ICA1: variants seen among roughly 807,000 people sequenced by gnomAD.
ICA1 encodes the protein islet cell autoantigen 1.
Under a neutral mutation model 71.0 loss-of-function variants are expected in ICA1, and 40 were observed. The ratio of observed to expected loss-of-function variants is 0.56; its 90% CI spans 0.44 to 0.73. ICA1 has a LOEUF of 0.73. Ranked by LOEUF, ICA1 falls within the 30% of genes least tolerant of loss-of-function variation. ICA1 has a pLI of 0.00. For synonymous variants in ICA1, 207 were observed against 209.5 expected (o/e 0.99, Z 0.10); for missense variants, 578 against 576.5 (o/e 1.00, Z -0.03).
chr7:8,250,423 T>A (rs1401265248), intron 1 of ICA1, among the ~76,000 whole-genome samples: 1 of 152,186 alleles, frequency 6.6e-6, no homozygotes, highest in East Asian at 1.9e-4. Context: ...GAAGTTCAAT[T>A]AGCCTTCCAT....
intron 1 of ICA1, among the ~76,000 whole-genome samples, chr7:8,257,987 T>C (rs1192951546): frequency 1.3e-5 from 2 of 152,084 alleles, no homozygotes; most frequent in South Asian, 2.1e-4. Flanking sequence ...TTCTCCCCAC[T>C]CCCAACCCTT....
chr7:8,232,116 C>G (rs1412521909), intron 3 of ICA1, among the ~76,000 whole-genome samples: 1 of 152,158 alleles, frequency 6.6e-6, no homozygotes, highest in Non-Finnish European at 1.5e-5. Context: ...ATATCTAAAT[C>G]CAGCTTACTA....
chr7:8,156,771 C>A (rs1801665087), intron 8 of ICA1: 1 of 1,431,966 alleles, frequency 7.0e-7, no homozygotes, highest in Non-Finnish European at 9.2e-7. Flanking sequence ...ACAATCTCCC[C>A]TTTAGCAATG....
intron 6 of ICA1, among the ~76,000 whole-genome samples, chr7:8,189,466 G>T (rs958381606): frequency 7.9e-5 from 12 of 152,228 alleles, no homozygotes; most frequent in African/African-American, 2.9e-4. Context: ...TCTGCTAGGG[G>T]CATGAAGACA....
chr7:8,143,516 A>G (rs950033040), intron 9 of ICA1, among the ~76,000 whole-genome samples: 1 of 152,166 alleles, frequency 6.6e-6, no homozygotes, highest in Non-Finnish European at 1.5e-5. Context: ...AAGAGCATCT[A>G]GTGTTGACAA....
chr7:8,129,896 T>A (rs948498122), intron 12 of ICA1, among the ~76,000 whole-genome samples: 1 of 137,842 alleles, frequency 7.3e-6, no homozygotes, highest in Non-Finnish European at 1.5e-5. Flanking sequence ...ATGTTCCCCT[T>A]CCTGTGTCCA....
At chr7:8,151,515 T>C (rs889260338) in intron 8 of ICA1, among the ~76,000 whole-genome samples, 16 of 152,210 alleles carry the variant, frequency 1.1e-4, no homozygotes, top group Non-Finnish European at 2.2e-4. Context: ...TGTAAAGTAA[T>C]GACAATGAGA....
chr7:8,203,934 C>T (rs966068790), intron 6 of ICA1, among the ~76,000 whole-genome samples: 2 of 151,978 alleles, frequency 1.3e-5, no homozygotes, highest in African/African-American at 2.4e-5. Context: ...CCAGACAGAC[C>T]CCAAGGAATT....
intron 6 of ICA1, among the ~76,000 whole-genome samples, chr7:8,181,258 G>T (rs1375097268): frequency 6.6e-6 from 1 of 152,146 alleles, no homozygotes; most frequent in African/African-American, 2.4e-5. Context: ...ATGAATTACA[G>T]TAATGCTGTT....
intron 1 of ICA1, among the ~76,000 whole-genome samples, chr7:8,238,017 CA>C (rs1242946456): frequency 6.6e-6 from 1 of 152,144 alleles, no homozygotes; most frequent in Non-Finnish European, 1.5e-5. Flanking sequence ...TCCAGAATAA[CA>C]CTGTTTCATA....
intron 6 of ICA1, among the ~76,000 whole-genome samples, chr7:8,163,268 A>G (rs1804597071): frequency 6.6e-6 from 1 of 152,244 alleles, no homozygotes; most frequent in South Asian, 2.1e-4. Flanking sequence ...TCGTACTTTC[A>G]GTTCAATCTG....
intron 6 of ICA1, among the ~76,000 whole-genome samples, chr7:8,195,211 T>C (rs1214654877): frequency 6.6e-6 from 1 of 152,138 alleles, no homozygotes; most frequent in Non-Finnish European, 1.5e-5. Flanking sequence ...TCCAAAATAC[T>C]GACATCAAAT....
chr7:8,252,447 C>G (rs1808502129), intron 1 of ICA1, among the ~76,000 whole-genome samples: 1 of 152,052 alleles, frequency 6.6e-6, no homozygotes, highest in Admixed American at 6.5e-5. Flanking sequence ...CTTAAATTTT[C>G]TTTTTATGGA....
chr7:8,125,477 C>A (rs1788822081), intron 13 of ICA1, among the ~76,000 whole-genome samples: 1 of 152,224 alleles, frequency 6.6e-6, no homozygotes, highest in South Asian at 2.1e-4. Context: ...TCTCATCTTC[C>A]CAGTAAGAAC....
chr7:8,142,371 C>T (rs571518128), intron 9 of ICA1, among the ~76,000 whole-genome samples: 1 of 152,318 alleles, frequency 6.6e-6, no homozygotes, highest in South Asian at 2.1e-4. Flanking sequence ...CCTTTGTCTG[C>T]TATTTCTAAA....
chr7:8,127,747 A>T, intron 13 of ICA1, 126 bp downstream of exon 13: 2 of 997,824 alleles, frequency 2.0e-6, no homozygotes, highest in Non-Finnish European at 3.0e-6. Flanking sequence ...CTGAGTCTCC[A>T]GTTAAAAAGT....
chr7:8,213,749 A>T (rs1303635688), intron 6 of ICA1, among the ~76,000 whole-genome samples: 1 of 152,128 alleles, frequency 6.6e-6, no homozygotes, highest in Non-Finnish European at 1.5e-5. Flanking sequence ...ATAGACCCAA[A>T]CCTTCACAAT....
At chr7:8,193,677 G>A (rs1211285441) in intron 6 of ICA1, among the ~76,000 whole-genome samples, 2 of 152,098 alleles carry the variant, frequency 1.3e-5, no homozygotes, top group African/African-American at 2.4e-5. Context: ...ATATCATACC[G>A]AAGTTAGAGT....
chr7:8,174,771 A>AAAAACAAAAAACC (rs1554310919), intron 6 of ICA1, among the ~76,000 whole-genome samples: 22 of 106,056 alleles, frequency 2.1e-4, no homozygotes, highest in African/African-American at 5.6e-4. Context: ...AAAAAAAAAA[A>AAAAACAAAAAACC]AAAAAAAACA....
Sources: gnomAD v4.1 joint callset for allele counts (sites outside exome capture counted in the v4.1 genomes callset) on GRCh38, gnomAD v4.1.1 for gene constraint, MANE v1.5 for transcripts, NCBI Gene and HGNC (gene_info 2026-07-23, HGNC 2026-07-21) for gene names.